HMGB1: variants seen among roughly 807,000 people sequenced by gnomAD.
HMGB1 encodes high mobility group protein B1.
For missense variants in HMGB1, 79 were observed against 253.5 expected, an observed-to-expected ratio of 0.31 and a Z score of 4.67; for synonymous variants, 81 against 84.0, an observed-to-expected ratio of 0.96 and a Z score of 0.19.
At chr13:30,568,897 C>A (rs1268914007) in intron 1 of HMGB1, among the ~76,000 whole-genome samples, 1 of 152,148 alleles carries the variant, frequency 6.6e-6, no homozygotes, top group African/African-American at 2.4e-5. Context: ...AAAAATAGGG[C>A]CAGGCGTGGT....
chr13:30,466,015 C>A, upstream of HMGB1: 4 of 940,930 alleles, frequency 4.3e-6, no homozygotes, highest in Non-Finnish European at 5.1e-6. Context: ...TCCCATTGTC[C>A]TGACCAGAGC....
intron 1 of HMGB1, among the ~76,000 whole-genome samples, chr13:30,529,328 A>C (rs1002775658): frequency 2.0e-5 from 3 of 152,204 alleles, no homozygotes; most frequent in Non-Finnish European, 4.4e-5. Flanking sequence ...GTATTGGAAC[A>C]AACTTTATCA....
At chr13:30,481,934 AT>A (rs1887237687) in intron 1 of HMGB1, among the ~76,000 whole-genome samples, 1 of 151,892 alleles carries the variant, frequency 6.6e-6, no homozygotes, top group African/African-American at 2.4e-5. Flanking sequence ...GGTTCAAGCG[AT>A]TCTCCTGCCT....
chr13:30,537,672 T>TTC (rs1868512838), intron 1 of HMGB1, among the ~76,000 whole-genome samples: 1 of 107,942 alleles, frequency 9.3e-6, no homozygotes, highest in Non-Finnish European at 2.0e-5. Context: ...TATATATATA[T>TTC]ATATATATAT....
At chr13:30,554,478 T>C (rs1869586832) in intron 1 of HMGB1, 4 of 1,026,876 alleles carry the variant, frequency 3.9e-6, no homozygotes, top group South Asian at 1.3e-5. Flanking sequence ...TTCTCATACA[T>C]GGCTATAATA....
At chr13:30,530,214 A>G (rs889632679) in intron 1 of HMGB1, among the ~76,000 whole-genome samples, 7 of 152,178 alleles carry the variant, frequency 4.6e-5, no homozygotes, top group African/African-American at 9.7e-5. Flanking sequence ...ATTACTAAGA[A>G]TGTTGCATAA....
chr13:30,614,084 GAAGA>G (rs1306726117), intron 1 of HMGB1, among the ~76,000 whole-genome samples: 2 of 151,996 alleles, frequency 1.3e-5, no homozygotes, highest in Non-Finnish European at 2.9e-5. Context: ...TAGAAAAAGG[GAAGA>G]AAAATAAAAT....
upstream of HMGB1, among the ~76,000 whole-genome samples, chr13:30,468,150 C>T (rs886687583): frequency 1.3e-5 from 2 of 152,186 alleles, no homozygotes; most frequent in Non-Finnish European, 1.5e-5. Context: ...CCCCTTCAAT[C>T]CCATAATTTA....
intron 1 of HMGB1, among the ~76,000 whole-genome samples, chr13:30,551,634 T>C (rs1869432910): frequency 6.6e-6 from 1 of 152,218 alleles, no homozygotes; most frequent in Admixed American, 6.5e-5. Context: ...GATCACTCCC[T>C]TTTCTTGTCT....
At chr13:30,609,135 A>T (rs1245989557) in intron 1 of HMGB1, among the ~76,000 whole-genome samples, 2 of 152,050 alleles carry the variant, frequency 1.3e-5, no homozygotes, top group Admixed American at 1.3e-4. Context: ...TAGTGGTGGG[A>T]GCCTGTAGTC....
intron 1 of HMGB1, among the ~76,000 whole-genome samples, chr13:30,507,147 C>A (rs1342202284): frequency 6.6e-6 from 1 of 152,210 alleles, no homozygotes; most frequent in Non-Finnish European, 1.5e-5. Flanking sequence ...CATAAAAGTG[C>A]AGTCTTCCAC....
At chr13:30,505,462 G>A (rs958062985) in intron 1 of HMGB1, among the ~76,000 whole-genome samples, 12 of 152,020 alleles carry the variant, frequency 7.9e-5, no homozygotes, top group Non-Finnish European at 1.5e-4. Context: ...ACAGGTGTAA[G>A]CCACCGCGCC....
intron 1 of HMGB1, among the ~76,000 whole-genome samples, chr13:30,512,417 A>G (rs1361667302): frequency 2.0e-5 from 3 of 152,216 alleles, no homozygotes; most frequent in Non-Finnish European, 4.4e-5. Context: ...GAGGATGTCT[A>G]CCCACATCCC....
At chr13:30,475,084 A>G (rs1193017764) in intron 1 of HMGB1, among the ~76,000 whole-genome samples, 1 of 89,124 alleles carries the variant, frequency 1.1e-5, no homozygotes, top group Non-Finnish European at 2.0e-5. Flanking sequence ...TCTGTCGCCT[A>G]GGCTGGAGTG....
intron 1 of HMGB1, among the ~76,000 whole-genome samples, chr13:30,498,029 G>GC (rs1385175759): frequency 6.6e-6 from 1 of 152,120 alleles, no homozygotes; most frequent in Non-Finnish European, 1.5e-5. Flanking sequence ...TTGAGGAATC[G>GC]CCAAACTGCT....
At chr13:30,592,871 T>TAA (rs376893348) in intron 1 of HMGB1, among the ~76,000 whole-genome samples, 151 of 139,226 alleles carry the variant, frequency 1.1e-3, no homozygotes, top group Admixed American at 3.9e-3. Context: ...TGCTTTTTTT[T>TAA]AAAAAAAAAA....
chr13:30,480,833 G>A (rs867379682), intron 1 of HMGB1, among the ~76,000 whole-genome samples: 1 of 151,542 alleles, frequency 6.6e-6, no homozygotes, highest in Non-Finnish European at 1.5e-5. Flanking sequence ...GGATTTATAC[G>A]TGCCAAATGG....
intron 1 of HMGB1, chr13:30,540,900 AG>A (rs1868841514): frequency 6.6e-6 from 1 of 152,666 alleles, no homozygotes; most frequent in African/African-American, 2.4e-5. Flanking sequence ...TCTTTAAAAA[AG>A]CATGTGGACC....
chr13:30,616,543 G>A (rs1950565217), intron 1 of HMGB1: 1 of 152,116 alleles, frequency 6.6e-6, no homozygotes, highest in South Asian at 2.1e-4. Context: ...GTCTATTTCA[G>A]GAGGAAGTAC....
Sources: allele counts gnomAD v4.1 joint callset (sites outside exome capture counted in the v4.1 genomes callset), GRCh38; gene constraint gnomAD v4.1.1; transcripts MANE v1.5; gene names NCBI Gene and HGNC (gene_info 2026-07-23, HGNC 2026-07-21).